TCF20: variants seen among roughly 807,000 people sequenced by gnomAD.
TCF20 encodes the protein SPRE-binding protein.
TCF20 carries 3 observed loss-of-function variants against 148.6 expected under a neutral mutation model. That is an observed-to-expected ratio of 0.02 (90% CI 0.01 to 0.05). TCF20 has a LOEUF of 0.05. TCF20 is among the 10% of genes least tolerant of loss of function. The pLI is 1.00. For synonymous variants in TCF20, 1,049 were observed against 909.5 expected (o/e 1.15, Z -2.76); for missense variants, 2,350 against 2,429.3 (o/e 0.97, Z 0.69).
rs960802865 is a variant in TCF20 at position 42,292,306 on chromosome 22, C to T, written c.-37+51173G>A. Among the ~76,000 whole-genome samples the T allele has an allele frequency of 1.3e-5, 2 of 152,152 alleles. No individual in the cohort carries two copies. Among genetic ancestry groups the T allele is most frequent in the African/African-American group, 4.8e-5 (2 of 41,400 alleles). ...GGGCCTGCGTGTTCCGTGTCCTGAT[C>T]CGCTGAGGCCCCAGTGCTAAAATCA... On this transcript the variant is annotated intron_variant, in intron 1 of 1. Coordinates refer to the TCF20 transcript ENST00000515426. The surrounding 1 kb of genome is among the most constrained non-coding windows in gnomAD (Gnocchi z 4.9).
intron 1 of TCF20, among the ~76,000 whole-genome samples, chr22:42,313,590 ATTCT>A (rs1191019077): frequency 1.4e-5 from 2 of 138,756 alleles, no homozygotes; most frequent in Non-Finnish European, 3.1e-5. Context: ...CCTCAACAGA[ATTCT>A]TTCTTTTTTT....
At chr22:42,226,259 AGCGTAGG>A (rs1328040009) in intron 1 of TCF20, among the ~76,000 whole-genome samples, 4 of 152,314 alleles carry the variant, frequency 2.6e-5, no homozygotes, top group Non-Finnish European at 5.9e-5. Context: ...TTAAATGCTG[AGCGTAGG>A]GGCTTCTGAG....
chr22:42,242,135 G>A (rs536734824), intron 1 of TCF20, among the ~76,000 whole-genome samples: 5 of 147,956 alleles, frequency 3.4e-5, no homozygotes, highest in African/African-American at 5.1e-5. Context: ...CCCAGGAGGC[G>A]GAGGTTGCAG....
intron 1 of TCF20, among the ~76,000 whole-genome samples, chr22:42,255,100 T>C (rs571171068): frequency 1.3e-5 from 2 of 152,220 alleles, no homozygotes; most frequent in Non-Finnish European, 2.9e-5. Flanking sequence ...GTTTTCTCGT[T>C]TGAAAAACAG....
intron 1 of TCF20, among the ~76,000 whole-genome samples, chr22:42,226,757 T>A (rs1922940552): frequency 1.3e-5 from 2 of 152,016 alleles, no homozygotes; most frequent in South Asian, 4.1e-4. Flanking sequence ...TGAATTAAAA[T>A]TCAAAAGATA....
At chr22:42,254,084 A>AT (rs1020918811) in intron 1 of TCF20, among the ~76,000 whole-genome samples, 12 of 150,860 alleles carry the variant, frequency 8.0e-5, no homozygotes, top group African/African-American at 2.9e-4. Flanking sequence ...TTCAAAAAAA[A>AT]AAAAAAAAAA....
chr22:42,291,748 G>A (rs1039118199), intron 1 of TCF20, among the ~76,000 whole-genome samples: 1 of 152,010 alleles, frequency 6.6e-6, no homozygotes, highest in Non-Finnish European at 1.5e-5. Flanking sequence ...GGGCAAAGGT[G>A]GAGTCCTGGG....
At chr22:42,298,283 C>T (rs940123201) in intron 1 of TCF20, among the ~76,000 whole-genome samples, 5 of 152,164 alleles carry the variant, frequency 3.3e-5, no homozygotes, top group Non-Finnish European at 4.4e-5. Flanking sequence ...TTGACATCAG[C>T]GGAGGTGCTC....
chr22:42,224,379 G>C (rs1287644057), intron 1 of TCF20, among the ~76,000 whole-genome samples: 1 of 151,830 alleles, frequency 6.6e-6, no homozygotes, highest in Non-Finnish European at 1.5e-5. Context: ...GGCTGAGGCA[G>C]GAGAATGGCG....
In TCF20 at chr22:42,211,448, G is replaced by C. The variant is rs372698285; in HGVS notation, c.3858C>G (p.His1286Gln). The C allele has an allele frequency of 1.2e-6, 2 of 1,614,066 alleles. No individual in the cohort carries two copies. Among genetic ancestry groups the C allele is most frequent in the East Asian group, 2.2e-5 (1 of 44,890 alleles). The change falls in exon 2 of 6, where the codon CAC (histidine) becomes CAG (glutamine). Residue 1286 changes from histidine (H) to glutamine (Q), a missense_variant. Physicochemically the swap from His to Gln is conservative, Grantham distance 24 (BLOSUM62 0). This residue lies in a region of TCF20 where 1,641 missense variants were observed against 1,662.6 expected (regional missense o/e 0.99). Coordinates refer to ENST00000677622, the MANE Select transcript of TCF20 (RefSeq NM_001378418.1). ...SSTEDKGRLL[H>Q]SSKEGADKAF... The stretch of plus-strand genomic sequence containing the variant: ...CTTTATCAGCGCCTTCTTTTGATGA[G>C]TGAAGGAGGCGACCTTTATCTTCAG...
intron 1 of TCF20, among the ~76,000 whole-genome samples, chr22:42,298,204 A>C (rs1422210427): frequency 6.6e-6 from 1 of 152,202 alleles, no homozygotes; most frequent in South Asian, 2.1e-4. Context: ...AGCCAGAGCC[A>C]AGGCTCAGCT....
rs562349039 is a variant in TCF20, at chr22:42,230,467, A to G, written c.-36-15126T>C. On this transcript the variant is annotated intron_variant, in intron 1 of 5. Coordinates refer to ENST00000677622, the MANE Select transcript of TCF20 (RefSeq NM_001378418.1). ...TGTAGAATTCTATGTTATGTATACT[A>G]TGTATTCTACTTATAAAAATAGTTA... Among the ~76,000 whole-genome samples, 6 of 152,318 alleles carry G rather than the reference A, an allele frequency of 3.9e-5. No individual in the cohort carries two copies. In the South Asian group the frequency reaches 1.2e-3, roughly 32 times the overall value.
intron 1 of TCF20, among the ~76,000 whole-genome samples, chr22:42,309,010 C>A (rs919686565): frequency 6.6e-6 from 1 of 152,104 alleles, no homozygotes; most frequent in Non-Finnish European, 1.5e-5. Flanking sequence ...CCAGGGAACA[C>A]GCCGGTGCCT....
intron 1 of TCF20, among the ~76,000 whole-genome samples, chr22:42,303,253 C>T (rs1472181575): frequency 2.0e-5 from 3 of 152,218 alleles, no homozygotes; most frequent in Non-Finnish European, 4.4e-5. Flanking sequence ...CTGGATGTCC[C>T]CTTGTGCCAG....
intron 4 of TCF20, among the ~76,000 whole-genome samples, chr22:42,169,500 A>T (rs930847539): frequency 7.2e-5 from 11 of 152,236 alleles, no homozygotes; most frequent in African/African-American, 2.7e-4. Flanking sequence ...AACCAGACTT[A>T]CCAAACGCCA....
chr22:42,238,899 T>A (rs1290840618), intron 1 of TCF20, among the ~76,000 whole-genome samples: 1 of 151,160 alleles, frequency 6.6e-6, no homozygotes, highest in East Asian at 2.0e-4. Flanking sequence ...GGGTGGATCA[T>A]GAGGTCAGGA....
chr22:42,337,856 G>C (rs749691829), intron 1 of TCF20, among the ~76,000 whole-genome samples: 49 of 152,218 alleles, frequency 3.2e-4, no homozygotes, highest in Non-Finnish European at 4.1e-4. Flanking sequence ...GTGGAAGAGG[G>C]TGGCCGGTGG....
chr22:42,209,980 CCTT>C lies in TCF20; in HGVS notation c.5323_5325del (p.Lys1775del), dbSNP rs1205684343. ...GGGTGTGCGGCCAGGCTTCTCTGCT[CCTT>C]CTGCTGCTGCTGCTGCTCTTCCTCC... is the stretch of plus-strand genomic sequence containing the variant. On this transcript the variant is annotated inframe_deletion, in exon 2 of 6. Transcript: ENST00000677622. 6.2e-7 allele frequency: 1 copy of C among 1,613,568 alleles called. No individual in the cohort carries two copies. The highest frequency in any genetic ancestry group is 1.7e-5 in the Admixed American group (1 of 60,036).
Position 42,213,523 on chromosome 22 carries a change from C to A in TCF20, c.1783G>T (p.Gly595Trp). The stretch of plus-strand genomic sequence containing the variant: ...GTCTTCTCATTAACCTTTGGGTTCC[C>A]GTCGGATGACAATGGCATGTCCTTA... Reference protein sequence around the residue: ...GAKDMPLSSDGNPKVNEKTVG... With the variant: ...GAKDMPLSSDWNPKVNEKTVG... Residue 595 changes from glycine (G) to tryptophan (W), a missense_variant, in exon 2 of 6, where the codon GGG (glycine) becomes TGG (tryptophan). Transcript: ENST00000677622. 1 of 1,614,176 alleles carries A rather than the reference C, an allele frequency of 6.2e-7. No homozygotes were observed. The highest frequency in any genetic ancestry group is 8.5e-7 in the Non-Finnish European group (1 of 1,180,032).
Sources: allele counts gnomAD v4.1 joint callset (sites outside exome capture counted in the v4.1 genomes callset), GRCh38; gene constraint gnomAD v4.1.1; regional missense constraint gnomAD v4.1.1; non-coding constraint Gnocchi (gnomAD v3.1); transcripts MANE v1.5; gene names NCBI Gene and HGNC (gene_info 2026-07-23, HGNC 2026-07-21).